The following WDR49 variants were observed in gnomAD, a reference collection of about 807,000 sequenced individuals.
WDR49 encodes the protein WD repeat domain 49, also known as cilia- and flagella-associated protein 337.
In WDR49, 107 loss-of-function variants were observed where a neutral mutation model predicts 119.5. That is an observed-to-expected ratio of 0.90 (90% CI 0.77 to 1.05). The LOEUF (loss-of-function observed/expected upper bound fraction) is 1.05, where lower values mean the gene tolerates loss of function less well. Ranked by LOEUF, WDR49 falls within the 50% of genes least tolerant of loss-of-function variation. WDR49 has a pLI of 0.00. For missense variants in WDR49, 1,240 were observed against 1,220.5 expected (o/e 1.02, Z -0.24); for synonymous variants, 425 against 418.8 (o/e 1.01, Z -0.18).
intron 7 of WDR49, among the ~76,000 whole-genome samples, chr3:167,589,652 C>T (rs1466662182): frequency 6.6e-6 from 1 of 151,888 alleles, no homozygotes; most frequent in African/African-American, 2.4e-5. Flanking sequence ...ATCCTTCACT[C>T]TTTTGGTTAA....
chr3:167,486,447 G>C (rs1750919314), intron 18 of WDR49, among the ~76,000 whole-genome samples: 2 of 151,968 alleles, frequency 1.3e-5, no homozygotes, highest in African/African-American at 2.4e-5. Flanking sequence ...TTACTTAAAA[G>C]ACATAAGGCG....
intron 18 of WDR49, among the ~76,000 whole-genome samples, chr3:167,491,021 C>T (rs1751112973): frequency 6.6e-6 from 1 of 152,030 alleles, no homozygotes; most frequent in Non-Finnish European, 1.5e-5. Context: ...GAATTAAAAC[C>T]TGACATCCCA....
intron 13 of WDR49, among the ~76,000 whole-genome samples, chr3:167,529,472 G>A (rs563178715): frequency 2.6e-4 from 39 of 152,172 alleles, no homozygotes; most frequent in African/African-American, 7.5e-4. Flanking sequence ...GTTCCATTAC[G>A]TTTAGTTCCC....
At chr3:167,647,984 G>A (rs1012769195) in intron 2 of WDR49, among the ~76,000 whole-genome samples, 4 of 152,118 alleles carry the variant, frequency 2.6e-5, no homozygotes, top group African/African-American at 9.7e-5. Context: ...TTTTGTTTAG[G>A]AAATCTTTAT....
intron 11 of WDR49, among the ~76,000 whole-genome samples, chr3:167,535,819 T>G (rs1327606335): frequency 3.3e-5 from 5 of 152,072 alleles, no homozygotes; most frequent in Admixed American, 1.3e-4. Context: ...AAAGCCAAGA[T>G]ATAAAATCAA....
At chr3:167,485,113 T>A (rs972967766) in intron 18 of WDR49, among the ~76,000 whole-genome samples, 1 of 152,118 alleles carries the variant, frequency 6.6e-6, no homozygotes, top group South Asian at 2.1e-4. Context: ...AAACACCACA[T>A]GTTCTCACTC....
chr3:167,614,768 G>T (rs1051749336), intron 5 of WDR49, among the ~76,000 whole-genome samples: 1 of 152,050 alleles, frequency 6.6e-6, no homozygotes, highest in African/African-American at 2.4e-5. Flanking sequence ...TATCATATTT[G>T]CTCATGTGTT....
intron 2 of WDR49, among the ~76,000 whole-genome samples, chr3:167,629,890 T>G (rs1717292638): frequency 6.6e-6 from 1 of 152,114 alleles, no homozygotes; most frequent in African/African-American, 2.4e-5. Context: ...CAAACTTAAA[T>G]GGATGTGGGG....
At chr3:167,592,425 C>A (rs1261736023) in intron 7 of WDR49, among the ~76,000 whole-genome samples, 1 of 144,374 alleles carries the variant, frequency 6.9e-6, no homozygotes, top group Admixed American at 6.8e-5. Context: ...TAGATGATTT[C>A]TTTTTCTTTT....
chr3:167,511,333 G>A (rs1202720501), intron 16 of WDR49, among the ~76,000 whole-genome samples: 2 of 152,106 alleles, frequency 1.3e-5, no homozygotes, highest in Admixed American at 1.3e-4. Flanking sequence ...AAGATCACAA[G>A]TACTTTTTGA....
At chr3:167,643,451 C>T (rs1171846381) in intron 2 of WDR49, among the ~76,000 whole-genome samples, 1 of 151,970 alleles carries the variant, frequency 6.6e-6, no homozygotes, top group Admixed American at 6.6e-5. Context: ...GTGGGGGACT[C>T]CTCAAGATTA....
chr3:167,485,367 AAAAT>A (rs1750882112), intron 18 of WDR49, among the ~76,000 whole-genome samples: 1 of 152,036 alleles, frequency 6.6e-6, no homozygotes, highest in Non-Finnish European at 1.5e-5. Context: ...AATAAAAATA[AAAAT>A]AAATAAATAA....
At chr3:167,515,667 G>A (rs943154895) in intron 16 of WDR49, among the ~76,000 whole-genome samples, 8 of 152,114 alleles carry the variant, frequency 5.3e-5, no homozygotes, top group Admixed American at 2.0e-4. Flanking sequence ...GAAATAAAGC[G>A]TATTCAAATA....
At chr3:167,578,874 C>G (rs538758797) in intron 7 of WDR49, among the ~76,000 whole-genome samples, 1 of 152,262 alleles carries the variant, frequency 6.6e-6, no homozygotes, top group East Asian at 1.9e-4. Flanking sequence ...AGCCAGATGT[C>G]TACTATCCTG....
chr3:167,589,651 T>C (rs1337010559), intron 7 of WDR49, among the ~76,000 whole-genome samples: 13 of 152,076 alleles, frequency 8.5e-5, no homozygotes, highest in Non-Finnish European at 1.6e-4. Context: ...AATCCTTCAC[T>C]CTTTTGGTTA....
chr3:167,481,061 T>C (rs1199952491), intron 18 of WDR49, among the ~76,000 whole-genome samples: 1 of 105,762 alleles, frequency 9.5e-6, no homozygotes, highest in East Asian at 2.7e-4. Flanking sequence ...ACCACATATT[T>C]CAAGCAAAAA....
At position 167,525,058 on chromosome 3, in the gene WDR49, T is replaced by A. The variant is rs533745051; in HGVS notation, c.2605-2574A>T. Among the ~76,000 whole-genome samples, 23 of 152,300 alleles carry A rather than the reference T, an allele frequency of 1.5e-4. No homozygotes were observed. In the South Asian group the frequency reaches 4.6e-3, roughly 30 times the overall value. On this transcript the variant is annotated intron_variant, in intron 15 of 18. Transcript: ENST00000682715. ...CATGAGCATGGAGTGTTTTTCCATTTGTTTGTGTCCTCCCTGATTTCCTTG... is the reference window on the plus strand; with the variant it reads ...CATGAGCATGGAGTGTTTTTCCATTAGTTTGTGTCCTCCCTGATTTCCTTG...
At chr3:167,538,330 GT>G (rs1354055059) in intron 10 of WDR49, among the ~76,000 whole-genome samples, 1 of 151,958 alleles carries the variant, frequency 6.6e-6, no homozygotes, top group East Asian at 1.9e-4. Context: ...CCCAAATATG[GT>G]TAATAGACCA....
intron 16 of WDR49, among the ~76,000 whole-genome samples, chr3:167,514,753 G>C (rs1033131664): frequency 9.3e-5 from 14 of 150,956 alleles, no homozygotes. Context: ...AATTAATAAA[G>C]AAGAAAAGAC....
Sources: allele counts gnomAD v4.1 joint callset (sites outside exome capture counted in the v4.1 genomes callset), GRCh38; gene constraint gnomAD v4.1.1; transcripts MANE v1.5; gene names NCBI Gene and HGNC (gene_info 2026-07-23, HGNC 2026-07-21).